The following P2RX1 variants were observed in gnomAD, a reference collection of about 807,000 sequenced individuals.
The protein encoded by P2RX1 is P2X purinoceptor 1.
P2RX1 carries 42 observed loss-of-function variants against 50.3 expected under a neutral mutation model. That is an observed-to-expected ratio of 0.83 (90% CI 0.65 to 1.08). The LOEUF (loss-of-function observed/expected upper bound fraction) is 1.08, where lower values mean the gene tolerates loss of function less well. Ranked by LOEUF, P2RX1 falls within the 50% of genes least tolerant of loss-of-function variation. The probability of loss-of-function intolerance (pLI) is 0.00; values close to 1 mark genes in which losing one functional copy is unlikely to be tolerated. For synonymous variants in P2RX1, 199 were observed against 202.6 expected, an observed-to-expected ratio of 0.98 and a Z score of 0.15; for missense variants, 449 against 529.0, an observed-to-expected ratio of 0.85 and a Z score of 1.48.
chr17:3,902,561 G>C (rs1022506138), intron 7 of P2RX1, among the ~76,000 whole-genome samples: 5 of 151,892 alleles, frequency 3.3e-5, no homozygotes, highest in Non-Finnish European at 7.4e-5. Flanking sequence ...CTCTCAAAGT[G>C]CTGGGATTAC....
chr17:3,903,331 C>T lies in P2RX1; in HGVS notation c.618G>A (p.Val206=), dbSNP rs2056188346. 6.2e-7 allele frequency: 1 copy of T among 1,614,052 alleles called. No homozygotes were observed. Among genetic ancestry groups the T allele is most frequent in the Non-Finnish European group, 8.5e-7 (1 of 1,180,032 alleles). The stretch of plus-strand genomic sequence containing the variant: ...TCATGTGGGCAGCATTCACCTCCTC[C>T]ACCAGGTTGCGCCTGTGGGGGTGGA... ...PRFKVNRRNL[V]EEVNAAHMKT... is the part of the protein sequence containing the mutation. The change falls in exon 7 of 12, where the codon GTG becomes GTA. Residue 206 remains valine, a synonymous_variant. Coordinates refer to ENST00000225538, the MANE Select transcript of P2RX1 (RefSeq NM_002558.4). This position sits in a 1 kb window ranked among gnomAD's most constrained non-coding sequence, Gnocchi z 4.6.
intron 1 of P2RX1, among the ~76,000 whole-genome samples, chr17:3,910,056 C>A (rs2056336878): frequency 6.8e-6 from 1 of 146,756 alleles, no homozygotes; most frequent in Admixed American, 7.3e-5. Context: ...CTCACTGCAA[C>A]CTCTGCCTCC....
intron 10 of P2RX1, 44 bp downstream of exon 10, chr17:3,898,440 A>G: frequency 1.3e-6 from 2 of 1,484,858 alleles, no homozygotes; most frequent in Non-Finnish European, 1.9e-6. Flanking sequence ...GTGGAAGAGG[A>G]GGGGCCAACC....
chr17:3,903,214 G>T lies in P2RX1; in HGVS notation c.735C>A (p.Thr245=). The T allele has an allele frequency of 6.2e-7, 1 of 1,614,100 alleles. No homozygotes were observed. The highest frequency in any genetic ancestry group is 1.6e-4 in the Middle Eastern group (1 of 6,062). ...VVQESGQNFS[T]LAEKGGVVGI... ...CCATGCTCCATACCTTCTCAGCCAG[G>T]GTGCTGAAGTTCTGGCCTGACTCTT... The change falls in exon 7 of 12, where the codon ACC becomes ACA. Residue 245 remains threonine (T), a synonymous_variant. Transcript: ENST00000225538. This position sits in a 1 kb window ranked among gnomAD's most constrained non-coding sequence, Gnocchi z 4.6.
In P2RX1 at chr17:3,914,511, C is replaced by G. The variant is rs903737741; in HGVS notation, c.137+1578G>C. Among the ~76,000 whole-genome samples, 2 of 152,128 alleles carry G rather than the reference C, an allele frequency of 1.3e-5. No homozygotes were observed. The highest frequency in any genetic ancestry group is 4.8e-5 in the African/African-American group (2 of 41,426). On this transcript the variant is annotated intron_variant, in intron 1 of 11. Transcript: ENST00000225538. The surrounding 1 kb of genome is among the most constrained non-coding windows in gnomAD (Gnocchi z 4.1). ...CCCCTCACACCTGCAGATCTGAAAGCAGAACTAGGGAGCCGCAGGGGCAGA... is the reference window on the plus strand; with the variant it reads ...CCCCTCACACCTGCAGATCTGAAAGGAGAACTAGGGAGCCGCAGGGGCAGA...
chr17:3,898,352 T>C, intron 10 of P2RX1, 132 bp downstream of exon 10: 1 of 805,164 alleles, frequency 1.2e-6, no homozygotes, highest in African/African-American at 1.7e-5. Flanking sequence ...GTTGGTGGGG[T>C]GGGCAGCTGC....
In P2RX1 at chr17:3,903,761, T is replaced by A; in HGVS notation, c.525-130A>T. 8.8e-7 allele frequency: 1 copy of A among 1,136,010 alleles called. No individual in the cohort carries two copies. The highest frequency in any genetic ancestry group is 1.3e-5 in the South Asian group (1 of 79,934). 70.4% of individuals were successfully genotyped at this position (1,136,010 alleles called of 1,614,324 possible). A position where few individuals can be genotyped will look rare whatever the true frequency, so the allele number is the denominator to read the frequency against. On this transcript the variant is annotated intron_variant, in intron 5 of 11. Coordinates refer to ENST00000225538, the MANE Select transcript of P2RX1 (RefSeq NM_002558.4). This position sits in a 1 kb window ranked among gnomAD's most constrained non-coding sequence, Gnocchi z 4.6. ...CTGCAGCCCTGGGCTGGTGGAGGGGTGGGTGTGCTCTAGCGTGGCCAGGAC... is the reference window on the plus strand; with the variant it reads ...CTGCAGCCCTGGGCTGGTGGAGGGGAGGGTGTGCTCTAGCGTGGCCAGGAC...
intron 9 of P2RX1, 105 bp from the exon 10 acceptor site, chr17:3,898,654 G>A: frequency 1.1e-6 from 1 of 888,186 alleles, no homozygotes. Flanking sequence ...GCTGTGAACT[G>A]TCCCCACCTC....
chr17:3,899,319 C>T, intron 8 of P2RX1, among the ~76,000 whole-genome samples: 1 of 149,324 alleles, frequency 6.7e-6, no homozygotes, highest in East Asian at 2.0e-4. Context: ...AATCCCACCT[C>T]AGCCCCCCAA....
chr17:3,905,195 A>G (rs1597518879), intron 2 of P2RX1, 25 bp downstream of exon 2: 1 of 1,608,970 alleles, frequency 6.2e-7, no homozygotes, highest in Non-Finnish European at 8.5e-7. Flanking sequence ...CTGTGAGGGG[A>G]AGGTGCAAAC....
chr17:3,913,132 C>CTTTT (rs555976939), intron 1 of P2RX1, among the ~76,000 whole-genome samples: 3 of 135,002 alleles, frequency 2.2e-5, no homozygotes, highest in East Asian at 2.1e-4. Context: ...CTGAGACCAT[C>CTTTT]TTTTTTTTTT....
intron 7 of P2RX1, among the ~76,000 whole-genome samples, chr17:3,901,956 T>C (rs1165553968): frequency 6.6e-6 from 1 of 151,980 alleles, no homozygotes; most frequent in South Asian, 2.1e-4. Context: ...GTTAAGAGAC[T>C]TGTCTGAGTT....
At chr17:3,907,895 C>T (rs2056295984) in intron 1 of P2RX1, among the ~76,000 whole-genome samples, 1 of 152,242 alleles carries the variant, frequency 6.6e-6, no homozygotes, top group Admixed American at 6.5e-5. Flanking sequence ...GGAGTTTCTC[C>T]TTGTCCTGGG....
intron 4 of P2RX1, 73 bp from the exon 5 acceptor site, chr17:3,904,097 C>T (rs2144007758): frequency 3.2e-6 from 4 of 1,269,070 alleles, no homozygotes; most frequent in East Asian, 4.7e-5. Context: ...TCTCCAGGAG[C>T]TCCCAGTGAC....
Position 3,896,871 on chromosome 17 carries a change from G to A in P2RX1, c.*943C>T, listed in dbSNP as rs1267538062. The A allele has an allele frequency of 6.6e-6, 1 of 152,306 alleles. No homozygotes were observed. The highest frequency in any genetic ancestry group is 1.5e-5 in the Non-Finnish European group (1 of 68,126). The allele number at this position is 152,306 out of a possible 1,614,324, so 9.4% of individuals were successfully genotyped here. ...GGTGTAGATGTGTGTAGATGGTTGT[G>A]TTTGCAGGGCCCAAGCTGTTCACAT... On this transcript the variant is annotated 3_prime_UTR_variant, in exon 12 of 12. Coordinates refer to ENST00000225538, the MANE Select transcript of P2RX1 (RefSeq NM_002558.4).
At chr17:3,907,411 C>A (rs764973932) in intron 1 of P2RX1, among the ~76,000 whole-genome samples, 10 of 151,712 alleles carry the variant, frequency 6.6e-5, no homozygotes, top group Non-Finnish European at 1.3e-4. Flanking sequence ...CCCCTCCACT[C>A]CTTACCCTAC....
chr17:3,904,960 T>A, intron 2 of P2RX1, 31 bp from the exon 3 acceptor site: 1 of 209,782 alleles, frequency 4.8e-6, no homozygotes, highest in Non-Finnish European at 9.9e-6. Context: ...GAGGGTGGGG[T>A]GGGCTGGGAG....
intron 7 of P2RX1, among the ~76,000 whole-genome samples, chr17:3,901,876 G>C (rs867164085): frequency 6.6e-6 from 1 of 151,778 alleles, no homozygotes; most frequent in African/African-American, 2.4e-5. Flanking sequence ...CTTGACCCTC[G>C]GGGCGACCCC....
chr17:3,913,766 T>C (rs2056403292), intron 1 of P2RX1, among the ~76,000 whole-genome samples: 1 of 152,214 alleles, frequency 6.6e-6, no homozygotes, highest in African/African-American at 2.4e-5. Flanking sequence ...TCTTCTCTCA[T>C]GCTCCTTTCC....
Sources: gnomAD v4.1 joint callset for allele counts (sites outside exome capture counted in the v4.1 genomes callset) on GRCh38, gnomAD v4.1.1 for gene constraint, Gnocchi (gnomAD v3.1) non-coding constraint, MANE v1.5 for transcripts, NCBI Gene and HGNC (gene_info 2026-07-23, HGNC 2026-07-21) for gene names.